Variants in SCML2 observed in about 807,000 individuals in gnomAD.
SCML2 encodes the protein Scm polycomb group protein like 2, also known as sex comb on midleg-like protein 2.
Under a neutral mutation model 48.4 loss-of-function variants are expected in SCML2, and 6 were observed. The ratio of observed to expected loss-of-function variants is 0.12; its 90% CI spans 0.07 to 0.24. The LOEUF (loss-of-function observed/expected upper bound fraction) is 0.24, where lower values mean the gene tolerates loss of function less well. Among genes scored for constraint, SCML2 ranks in the 10% least tolerant of loss-of-function variants. The pLI is 1.00. For synonymous variants in SCML2, 181 were observed against 189.5 expected (o/e 0.95, Z 0.37); for missense variants, 377 against 528.2 (o/e 0.71, Z 2.81).
intron 7 of SCML2, among the ~76,000 whole-genome samples, chrX:18,289,611 G>GC (rs1928164933): frequency 8.9e-6 from 1 of 112,099 alleles, no homozygotes; most frequent in Non-Finnish European, 1.9e-5. Flanking sequence ...TTAGTTATAT[G>GC]CACCTCTGCC....
At chrX:18,304,434 T>C (rs984227533) in intron 7 of SCML2, among the ~76,000 whole-genome samples, 1 of 111,740 alleles carries the variant, frequency 8.9e-6, no homozygotes, top group Non-Finnish European at 1.9e-5. Flanking sequence ...TAATAAACAT[T>C]ACCATGACTA....
chrX:18,315,499 G>A (rs1929091822), intron 6 of SCML2, among the ~76,000 whole-genome samples: 2 of 111,744 alleles, frequency 1.8e-5, no homozygotes, highest in African/African-American at 6.5e-5. Flanking sequence ...TAAAAGGCTA[G>A]CATAACAGTT....
At chrX:18,290,565 T>C (rs1273097409) in intron 7 of SCML2, among the ~76,000 whole-genome samples, 7 of 111,487 alleles carry the variant, frequency 6.3e-5, no homozygotes. Flanking sequence ...GATACATAAA[T>C]CTGAAGCTAA....
At chrX:18,242,241 C>T (rs1437074257) in intron 14 of SCML2, among the ~76,000 whole-genome samples, 198 bp downstream of exon 14, 1 of 111,432 alleles carries the variant, frequency 9.0e-6, no homozygotes, top group Non-Finnish European at 1.9e-5. Context: ...GTATTTTAGG[C>T]ACCTGGATAC....
intron 7 of SCML2, among the ~76,000 whole-genome samples, chrX:18,295,647 C>T (rs1928371271): frequency 9.8e-6 from 1 of 102,500 alleles, no homozygotes; most frequent in Admixed American, 1.1e-4. Context: ...AAGCCACCTG[C>T]AAGCCCAAAT....
intron 7 of SCML2, among the ~76,000 whole-genome samples, chrX:18,297,572 T>C (rs947961232): frequency 1.9e-4 from 21 of 112,112 alleles, no homozygotes; most frequent in Non-Finnish European, 1.9e-4. Context: ...TTAGATCTAA[T>C]AAACAAATTC....
intron 7 of SCML2, among the ~76,000 whole-genome samples, chrX:18,290,058 TTAAAGTTTTAATTAAGAAAAAAC>T: frequency 8.9e-6 from 1 of 111,923 alleles, no homozygotes; most frequent in East Asian, 2.8e-4. Context: ...ACCCACTCCC[TTAAAGTTTTAATTAAGAAAAAAC>T]TAAACCACAC....
chrX:18,324,807 C>A, intron 4 of SCML2, 100 bp downstream of exon 4: 1 of 586,215 alleles, frequency 1.7e-6, no homozygotes. Flanking sequence ...CTACCACAAT[C>A]CCACTATCTC....
At chrX:18,316,827 C>T (rs1929136500) in intron 6 of SCML2, among the ~76,000 whole-genome samples, 2 of 112,398 alleles carry the variant, frequency 1.8e-5, no homozygotes, top group Non-Finnish European at 3.8e-5. Context: ...GATTCTCATA[C>T]GAGTGCAAAC....
chrX:18,351,613 G>A (rs1282500561), intron 1 of SCML2, among the ~76,000 whole-genome samples: 2 of 102,957 alleles, frequency 1.9e-5, no homozygotes, highest in Non-Finnish European at 3.9e-5. Context: ...GAGGACCTCC[G>A]ATTTCCATTC....
At position 18,319,058 on chromosome X, in the gene SCML2, A is replaced by C. The variant is rs1037753434; in HGVS notation, c.486+1274T>G. ...AAACAGACCACGTGAAAACACAGGG[A>C]AAAGGCAGCCATCTATAAGCCAAGG... On this transcript the variant is annotated intron_variant, in intron 6 of 14. Transcript: ENST00000251900. 4.5e-5 allele frequency among the ~76,000 whole-genome samples: 5 copies of C among 112,164 alleles called. 1 individual carries two copies. The highest frequency in any genetic ancestry group is 7.5e-5 in the Non-Finnish European group (4 of 53,237).
At chrX:18,243,240 T>C (rs1029049004) in intron 13 of SCML2, among the ~76,000 whole-genome samples, 1 of 110,865 alleles carries the variant, frequency 9.0e-6, no homozygotes, top group Admixed American at 9.7e-5. Flanking sequence ...TTGCAGCTAA[T>C]CTTTATATTT....
At position 18,247,894 on chromosome X, in the gene SCML2, G is replaced by GA. The variant is rs774694641; in HGVS notation, c.1457-13dup. The GA allele has an allele frequency of 1.3e-5, 15 of 1,138,555 alleles. No individual in the cohort carries two copies. Among genetic ancestry groups the GA allele is most frequent in the Non-Finnish European group, 1.6e-5 (13 of 832,241 alleles). The allele number at this position is 1,138,555 out of a possible 1,213,427, so 93.8% of individuals were successfully genotyped here. A position where few individuals can be genotyped will look rare whatever the true frequency, so the allele number is the denominator to read the frequency against. On this transcript the variant is annotated splice_polypyrimidine_tract_variant and intron_variant, in intron 11 of 14. Coordinates refer to ENST00000251900, the MANE Select transcript of SCML2 (RefSeq NM_006089.3). ...TACATCTTCTTTTGCTGTTTTCAAA[G>GA]AAAAAACAGTTGTCTGTTATAACGA...
At position 18,262,337 on chromosome X, in the gene SCML2, C is replaced by CTT. The variant is rs780523423; in HGVS notation, c.949-2048_949-2047dup. Among the ~76,000 whole-genome samples the CTT allele has an allele frequency of 6.2e-4, 49 of 78,433 alleles. 1 individual carries two copies. The highest frequency in any genetic ancestry group is 7.7e-4 in the African/African-American group (14 of 18,121). 68.1% of individuals were successfully genotyped at this position (78,433 alleles called of 115,157 possible). On this transcript the variant is annotated intron_variant, in intron 8 of 14. Transcript: ENST00000251900. ...CCAGTATGTTTGGATCTGGGTCTAC[C>CTT]TTTTTTTTTTTTTTTTTTTTTGAGA...
chrX:18,272,152 T>C (rs1270254869), intron 7 of SCML2, among the ~76,000 whole-genome samples: 2 of 111,628 alleles, frequency 1.8e-5, no homozygotes, highest in Non-Finnish European at 3.8e-5. Flanking sequence ...CAACCTTGCT[T>C]TGGGAATTAA....
At chrX:18,251,079 A>G (rs1926641096) in intron 11 of SCML2, among the ~76,000 whole-genome samples, 1 of 109,757 alleles carries the variant, frequency 9.1e-6, no homozygotes, top group Non-Finnish European at 1.9e-5. Context: ...ACCTGTGGGG[A>G]TTATGGGAAC....
At chrX:18,332,822 T>C (rs1929698360) in intron 2 of SCML2, among the ~76,000 whole-genome samples, 1 of 109,073 alleles carries the variant, frequency 9.2e-6, no homozygotes, top group Admixed American at 1.0e-4. Flanking sequence ...AAAAATTTTT[T>C]TAAAAAATTA....
intron 1 of SCML2, among the ~76,000 whole-genome samples, chrX:18,343,976 T>C (rs1470908238): frequency 2.6e-5 from 2 of 78,259 alleles, no homozygotes; most frequent in Non-Finnish European, 5.2e-5. Flanking sequence ...GAAAAAATAA[T>C]AAAATAAAAC....
At position 18,297,813 on chromosome X, in the gene SCML2, C is replaced by CA. The variant is rs1271066132; in HGVS notation, c.730+7158dup. Among the ~76,000 whole-genome samples the CA allele has an allele frequency of 8.6e-4, 92 of 107,203 alleles. 1 individual carries two copies. In the South Asian group the frequency reaches 0.011, roughly 12 times the overall value. The allele number at this position is 107,203 out of a possible 115,157, so 93.1% of individuals were successfully genotyped here. On this transcript the variant is annotated intron_variant, in intron 7 of 14. Coordinates refer to ENST00000251900, the MANE Select transcript of SCML2 (RefSeq NM_006089.3). ...GCAACACAGTGAGACCCTGTCTCTACAAAAAAAAACACAAAAAACAAAACA... is the reference window on the plus strand; with the variant it reads ...GCAACACAGTGAGACCCTGTCTCTACAAAAAAAAAACACAAAAAACAAAACA...
Sources: gnomAD v4.1 joint callset for allele counts (sites outside exome capture counted in the v4.1 genomes callset) on GRCh38, gnomAD v4.1.1 for gene constraint, MANE v1.5 for transcripts, NCBI Gene and HGNC (gene_info 2026-07-23, HGNC 2026-07-21) for gene names.